ZBTB20: variants seen among roughly 807,000 people sequenced by gnomAD.
ZBTB20 encodes zinc finger and BTB domain-containing protein 20.
ZBTB20 carries 9 observed loss-of-function variants against 56.9 expected under a neutral mutation model. The ratio of observed to expected loss-of-function variants is 0.16; its 90% CI spans 0.10 to 0.28. The LOEUF is 0.28. ZBTB20 is among the 10% of genes least tolerant of loss of function. The pLI, the probability that ZBTB20 is intolerant of heterozygous loss-of-function variation, is 1.00. For missense variants in ZBTB20, 655 were observed against 1,003.0 expected (o/e 0.65, Z 4.69); for synonymous variants, 417 against 420.7 (o/e 0.99, Z 0.11).
Position 114,777,650 on chromosome 3 carries a change from C to T in ZBTB20, c.-343+23451G>A, listed in dbSNP as rs182509892. On this transcript the variant is annotated intron_variant, in intron 5 of 11. Coordinates refer to ENST00000675478, the MANE Select transcript of ZBTB20 (RefSeq NM_001348800.3). ...GAACACTTTTACACTGTTGGTGGGA[C>T]TGTAAACTAGTTCAACCATTGTGGA... is the stretch of plus-strand genomic sequence containing the variant. 8.4e-4 allele frequency among the ~76,000 whole-genome samples: 128 copies of T among 152,284 alleles called. 1 individual carries two copies. The highest frequency in any genetic ancestry group is 1.2e-3 in the Non-Finnish European group (79 of 68,014).
At chr3:114,791,072 G>T (rs1258876316) in intron 5 of ZBTB20, among the ~76,000 whole-genome samples, 1 of 151,972 alleles carries the variant, frequency 6.6e-6, no homozygotes, top group Admixed American at 6.6e-5. Flanking sequence ...TTATTCCATG[G>T]AACTCTAAAT....
At chr3:115,015,063 T>C (rs572259514) in intron 2 of ZBTB20, among the ~76,000 whole-genome samples, 1 of 151,930 alleles carries the variant, frequency 6.6e-6, no homozygotes, top group East Asian at 2.0e-4. Context: ...TTAGCAATAG[T>C]TGTGGTCTTA....
intron 5 of ZBTB20, among the ~76,000 whole-genome samples, chr3:114,795,612 C>G (rs761784970): frequency 3.9e-5 from 6 of 152,100 alleles, no homozygotes; most frequent in Non-Finnish European, 7.4e-5. Context: ...ATGTTCAAAT[C>G]AAAGGACACT....
At chr3:114,818,651 G>A (rs528917136) in intron 4 of ZBTB20, among the ~76,000 whole-genome samples, 1 of 151,718 alleles carries the variant, frequency 6.6e-6, no homozygotes, top group South Asian at 2.1e-4. Context: ...ATCAAATAAG[G>A]ATTCAGAAAA....
chr3:114,698,437 A>G (rs908303546), intron 5 of ZBTB20, among the ~76,000 whole-genome samples: 2 of 152,076 alleles, frequency 1.3e-5, no homozygotes, highest in Non-Finnish European at 2.9e-5. Flanking sequence ...TGCCTGTAGC[A>G]TTCTCAGTCT....
At chr3:114,693,330 A>C (rs2062808345) in intron 6 of ZBTB20, among the ~76,000 whole-genome samples, 198 bp downstream of exon 6, 1 of 152,180 alleles carries the variant, frequency 6.6e-6, no homozygotes, top group Non-Finnish European at 1.5e-5. Context: ...ATTTCAAATG[A>C]ACAAATAGGA....
At chr3:114,849,097 T>C (rs1373467625) in intron 4 of ZBTB20, among the ~76,000 whole-genome samples, 4 of 152,214 alleles carry the variant, frequency 2.6e-5, no homozygotes, top group African/African-American at 9.6e-5. Context: ...TGTAAAAATA[T>C]AAACATGGTA....
chr3:114,837,727 T>C (rs935650128), intron 4 of ZBTB20, among the ~76,000 whole-genome samples: 5 of 152,136 alleles, frequency 3.3e-5, no homozygotes, highest in Non-Finnish European at 7.3e-5. Context: ...CTATCACTTC[T>C]GTCCTTTATT....
At chr3:114,714,635 C>T (rs190023265) in intron 5 of ZBTB20, among the ~76,000 whole-genome samples, 2 of 152,062 alleles carry the variant, frequency 1.3e-5, no homozygotes, top group East Asian at 3.9e-4. Flanking sequence ...AATGTTGTGG[C>T]ACCTATTAAC....
At chr3:114,954,112 C>T (rs569458025) in intron 3 of ZBTB20, among the ~76,000 whole-genome samples, 5 of 152,184 alleles carry the variant, frequency 3.3e-5, no homozygotes, top group African/African-American at 7.2e-5. Context: ...AGTTTTCATA[C>T]TTTTATGAAA....
At chr3:114,889,808 T>C (rs1014351158) in intron 4 of ZBTB20, among the ~76,000 whole-genome samples, 2 of 152,046 alleles carry the variant, frequency 1.3e-5, no homozygotes, top group African/African-American at 4.8e-5. Context: ...CTACTCAAGG[T>C]GTAGAGTAAA....
At chr3:114,672,576 A>T (rs554124386) in intron 6 of ZBTB20, among the ~76,000 whole-genome samples, 1 of 152,272 alleles carries the variant, frequency 6.6e-6, no homozygotes, top group South Asian at 2.1e-4. Context: ...CGAGGTTCCA[A>T]GAGGGCCAGT....
At chr3:114,916,303 T>C (rs1347444596) in intron 3 of ZBTB20, among the ~76,000 whole-genome samples, 3 of 152,144 alleles carry the variant, frequency 2.0e-5, no homozygotes, top group Non-Finnish European at 4.4e-5. Flanking sequence ...AATTACATAG[T>C]GACCTTCTTT....
At chr3:114,613,165 G>T (rs1271092634) in intron 6 of ZBTB20, among the ~76,000 whole-genome samples, 1 of 152,076 alleles carries the variant, frequency 6.6e-6, no homozygotes, top group Non-Finnish European at 1.5e-5. Context: ...TAGGAGGGTG[G>T]GCCTACTGTA....
In ZBTB20 at chr3:114,650,881, C is replaced by T. The variant is rs148632432; in HGVS notation, c.-295+42647G>A. 5.3e-5 allele frequency among the ~76,000 whole-genome samples: 8 copies of T among 151,908 alleles called. No individual in the cohort carries two copies. The East Asian group carries it at 1.4e-3, about 26-fold the overall frequency. On this transcript the variant is annotated intron_variant, in intron 6 of 11. Transcript: ENST00000675478. Reference sequence around the variant, plus strand: ...CTGTAGGATGTAAAGTGTAGTCAGGCCTGTAGAACTTCGGATGCATCATTT... The same window carrying T: ...CTGTAGGATGTAAAGTGTAGTCAGGTCTGTAGAACTTCGGATGCATCATTT...
intron 6 of ZBTB20, among the ~76,000 whole-genome samples, chr3:114,619,508 A>T (rs1029675370): frequency 9.9e-5 from 15 of 151,462 alleles, no homozygotes; most frequent in East Asian, 1.9e-4. Flanking sequence ...TTTTTTTTTT[A>T]AATTGTTTAT....
At chr3:114,346,063 A>G (rs1160195473) in intron 11 of ZBTB20, among the ~76,000 whole-genome samples, 1 of 152,196 alleles carries the variant, frequency 6.6e-6, no homozygotes, top group African/African-American at 2.4e-5. Flanking sequence ...AAACTCCTAG[A>G]GATAAGGAAG....
chr3:114,670,810 G>A (rs2061323807), intron 6 of ZBTB20, among the ~76,000 whole-genome samples: 1 of 152,076 alleles, frequency 6.6e-6, no homozygotes, highest in South Asian at 2.1e-4. Flanking sequence ...AATGCTGTGG[G>A]GCACCCATGT....
intron 8 of ZBTB20, among the ~76,000 whole-genome samples, chr3:114,386,166 T>C (rs1179079483): frequency 2.6e-5 from 4 of 152,232 alleles, no homozygotes; most frequent in Non-Finnish European, 4.4e-5. Flanking sequence ...CCTATGGGAC[T>C]CTGGCTTATC....
Sources: gnomAD v4.1 joint callset for allele counts (sites outside exome capture counted in the v4.1 genomes callset) on GRCh38, gnomAD v4.1.1 for gene constraint, MANE v1.5 for transcripts, NCBI Gene and HGNC (gene_info 2026-07-23, HGNC 2026-07-21) for gene names.